The following HS3ST4 variants were observed in gnomAD, a reference collection of about 807,000 sequenced individuals.
The protein encoded by HS3ST4 is heparan sulfate glucosamine 3-O-sulfotransferase 4.
Under a neutral mutation model 29.2 loss-of-function variants are expected in HS3ST4, and 17 were observed. The ratio of observed to expected loss-of-function variants is 0.58; its 90% CI spans 0.40 to 0.87. The LOEUF is 0.87. HS3ST4 is among the 40% of genes least tolerant of loss of function. The pLI, the probability that HS3ST4 is intolerant of heterozygous loss-of-function variation, is 0.00. For missense variants in HS3ST4, 627 were observed against 634.5 expected (o/e 0.99, Z 0.13); for synonymous variants, 314 against 285.7 (o/e 1.10, Z -1.00).
intron 1 of HS3ST4, among the ~76,000 whole-genome samples, chr16:26,111,298 C>T (rs910193556): frequency 2.0e-5 from 3 of 152,012 alleles, no homozygotes; most frequent in African/African-American, 7.2e-5. Context: ...TGTTCTTAAA[C>T]TCCTGGCCTC....
chr16:25,878,505 T>C (rs1451848786), intron 1 of HS3ST4, among the ~76,000 whole-genome samples: 1 of 152,140 alleles, frequency 6.6e-6, no homozygotes, highest in African/African-American at 2.4e-5. Context: ...AGAATTCTAC[T>C]TCAACTAACA....
intron 1 of HS3ST4, among the ~76,000 whole-genome samples, chr16:25,833,367 A>G (rs1289285149): frequency 2.0e-5 from 3 of 152,162 alleles, no homozygotes; most frequent in Non-Finnish European, 2.9e-5. Context: ...TCTGGATTTC[A>G]TGGACTGACA....
At chr16:25,726,760 G>C (rs1966538010) in intron 1 of HS3ST4, among the ~76,000 whole-genome samples, 1 of 152,186 alleles carries the variant, frequency 6.6e-6, no homozygotes, top group Non-Finnish European at 1.5e-5. Flanking sequence ...TGATTGGTTT[G>C]ATATATGACT....
intron 1 of HS3ST4, among the ~76,000 whole-genome samples, chr16:26,037,429 G>C (rs1969593437): frequency 6.6e-6 from 1 of 152,214 alleles, no homozygotes; most frequent in Non-Finnish European, 1.5e-5. Flanking sequence ...CAGTGTGAGT[G>C]TTGTGTTGTA....
chr16:26,040,166 T>C (rs533117806), intron 1 of HS3ST4, among the ~76,000 whole-genome samples: 15 of 152,322 alleles, frequency 9.8e-5, no homozygotes, highest in African/African-American at 3.6e-4. Context: ...ATTTTTTATT[T>C]CTCTGATTAT....
chr16:25,787,227 A>G (rs1351482294), intron 1 of HS3ST4, among the ~76,000 whole-genome samples: 1 of 152,248 alleles, frequency 6.6e-6, no homozygotes, highest in African/African-American at 2.4e-5. Flanking sequence ...ATGTTTTATA[A>G]GAAGAAAAAT....
At chr16:25,861,340 CA>C (rs1967634378) in intron 1 of HS3ST4, among the ~76,000 whole-genome samples, 1 of 152,152 alleles carries the variant, frequency 6.6e-6, no homozygotes, top group South Asian at 2.1e-4. Flanking sequence ...TCTGTTTCTT[CA>C]GCTGTTTCAA....
At chr16:25,897,321 G>C (rs1369967629) in intron 1 of HS3ST4, among the ~76,000 whole-genome samples, 1 of 152,012 alleles carries the variant, frequency 6.6e-6, no homozygotes, top group Non-Finnish European at 1.5e-5. Context: ...AGGCATGGTG[G>C]TAAGCCTGTA....
chr16:25,819,486 G>A (rs760253671), intron 1 of HS3ST4, among the ~76,000 whole-genome samples: 3 of 152,086 alleles, frequency 2.0e-5, no homozygotes, highest in Admixed American at 6.5e-5. Flanking sequence ...TTCCTAATTC[G>A]GTGGGATTGT....
intron 1 of HS3ST4, among the ~76,000 whole-genome samples, chr16:25,864,764 T>C (rs946271448): frequency 2.0e-5 from 3 of 152,144 alleles, no homozygotes; most frequent in African/African-American, 7.2e-5. Context: ...TGTATATATA[T>C]ATTTATTGTG....
At chr16:25,842,789 G>C (rs1190869099) in intron 1 of HS3ST4, among the ~76,000 whole-genome samples, 2 of 152,166 alleles carry the variant, frequency 1.3e-5, no homozygotes, top group Non-Finnish European at 2.9e-5. Context: ...TCCTGGGTGA[G>C]TGAGTGTGCA....
chr16:25,903,876 A>G (rs1968147956), intron 1 of HS3ST4, among the ~76,000 whole-genome samples: 1 of 152,192 alleles, frequency 6.6e-6, no homozygotes, highest in Admixed American at 6.6e-5. Context: ...GTTTTAGGAA[A>G]ATTCATTTGA....
At chr16:26,113,570 C>A (rs979821906) in intron 1 of HS3ST4, among the ~76,000 whole-genome samples, 3 of 151,670 alleles carry the variant, frequency 2.0e-5, no homozygotes, top group African/African-American at 7.3e-5. Context: ...CAGGCTGATT[C>A]TCCAGTTTCC....
At chr16:25,787,885 C>T (rs1966859949) in intron 1 of HS3ST4, among the ~76,000 whole-genome samples, 1 of 152,100 alleles carries the variant, frequency 6.6e-6, no homozygotes, top group Non-Finnish European at 1.5e-5. Flanking sequence ...AACGTAACCC[C>T]TGAGTGTGTT....
intron 1 of HS3ST4, among the ~76,000 whole-genome samples, chr16:26,114,314 A>G (rs1899174094): frequency 6.6e-6 from 1 of 152,162 alleles, no homozygotes. Context: ...AGTTGCACCA[A>G]ACCACATTAA....
chr16:25,922,155 T>C (rs544086977), intron 1 of HS3ST4, among the ~76,000 whole-genome samples: 3 of 152,320 alleles, frequency 2.0e-5, no homozygotes, highest in Admixed American at 2.0e-4. Flanking sequence ...CTTTTGGCTT[T>C]CTGTCTTCTG....
intron 1 of HS3ST4, among the ~76,000 whole-genome samples, chr16:26,133,162 T>C (rs1899442469): frequency 6.6e-6 from 1 of 152,142 alleles, no homozygotes; most frequent in Admixed American, 6.5e-5. Context: ...TCTGTAAGAA[T>C]TACTGTAAGA....
At chr16:25,951,923 T>A (rs1968686514) in intron 1 of HS3ST4, among the ~76,000 whole-genome samples, 1 of 151,914 alleles carries the variant, frequency 6.6e-6, no homozygotes, top group Non-Finnish European at 1.5e-5. Context: ...GGCACATATT[T>A]ACCTATGTAA....
intron 1 of HS3ST4, among the ~76,000 whole-genome samples, chr16:25,841,086 G>T (rs1280098799): frequency 1.3e-5 from 2 of 149,588 alleles, no homozygotes; most frequent in African/African-American, 4.9e-5. Flanking sequence ...CTCACTGCAG[G>T]CTCCGCCCCC....
Sources: gnomAD v4.1 joint callset for allele counts (sites outside exome capture counted in the v4.1 genomes callset) on GRCh38, gnomAD v4.1.1 for gene constraint, MANE v1.5 for transcripts, NCBI Gene and HGNC (gene_info 2026-07-23, HGNC 2026-07-21) for gene names.